Variants in SUGCT observed in about 807,000 individuals in gnomAD.
The protein encoded by SUGCT is succinyl-CoA:glutarate-CoA transferase.
A neutral mutation model predicts 55.0 loss-of-function variants in SUGCT; 41 were observed. The ratio of observed to expected loss-of-function variants is 0.74; its 90% CI spans 0.58 to 0.97. SUGCT has a LOEUF of 0.97. Among genes scored for constraint, SUGCT ranks in the 50% least tolerant of loss-of-function variants. The pLI is 0.00. For missense variants in SUGCT, 568 were observed against 547.8 expected, an observed-to-expected ratio of 1.04 and a Z score of -0.37; for synonymous variants, 187 against 200.4, an observed-to-expected ratio of 0.93 and a Z score of 0.56.
At chr7:40,510,600 G>A (rs1357958003) in intron 12 of SUGCT, among the ~76,000 whole-genome samples, 2 of 152,082 alleles carry the variant, frequency 1.3e-5, no homozygotes, top group African/African-American at 4.8e-5. Flanking sequence ...TATTAAGTAA[G>A]GAAGTTTTCA....
chr7:41,010,879 G>A, the SUGCT span, among the ~76,000 whole-genome samples: 3 of 152,182 alleles, frequency 2.0e-5, no homozygotes, highest in African/African-American at 7.2e-5. Context: ...GTTTGACCTG[G>A]AACGAAATTA....
intron 1 of SUGCT, among the ~76,000 whole-genome samples, chr7:40,157,898 T>G (rs1342224375): frequency 3.9e-5 from 6 of 152,204 alleles, no homozygotes; most frequent in Non-Finnish European, 8.8e-5. Context: ...AGTCAAATTC[T>G]ACTGCTTCAT....
chr7:40,644,515 A>G (rs894108710), intron 12 of SUGCT, among the ~76,000 whole-genome samples: 2 of 152,144 alleles, frequency 1.3e-5, no homozygotes, highest in African/African-American at 4.8e-5. Flanking sequence ...AAAGGTGTCA[A>G]TTTTTTAAAC....
intron 12 of SUGCT, among the ~76,000 whole-genome samples, chr7:40,681,888 G>A (rs370650869): frequency 6.6e-6 from 1 of 152,092 alleles, no homozygotes; most frequent in Non-Finnish European, 1.5e-5. Flanking sequence ...TTGGAATAGA[G>A]AACAGTGGTC....
At chr7:40,551,958 C>T (rs868084820) in intron 12 of SUGCT, among the ~76,000 whole-genome samples, 7 of 152,174 alleles carry the variant, frequency 4.6e-5, no homozygotes, top group Admixed American at 3.3e-4. Context: ...CTATCAGACT[C>T]ATCAAACTTG....
At chr7:40,164,838 G>T (rs1015831388) in intron 1 of SUGCT, among the ~76,000 whole-genome samples, 2 of 152,066 alleles carry the variant, frequency 1.3e-5, no homozygotes, top group African/African-American at 2.4e-5. Flanking sequence ...CCTTTTCCAC[G>T]AACCTCATTT....
At chr7:41,009,281 T>C in the SUGCT span, among the ~76,000 whole-genome samples, 1 of 151,790 alleles carries the variant, frequency 6.6e-6, no homozygotes, top group South Asian at 2.1e-4. Context: ...TTTCACAGTC[T>C]ATGAATCTAT....
At chr7:40,493,406 C>T (rs1335868396) in intron 11 of SUGCT, among the ~76,000 whole-genome samples, 6 of 152,134 alleles carry the variant, frequency 3.9e-5, no homozygotes, top group African/African-American at 1.4e-4. Flanking sequence ...TAGTTTCTGT[C>T]TGGTCTTGTA....
rs17171720 is a variant in SUGCT at position 40,491,609 on chromosome 7, T to A, written c.987-4675T>A. On this transcript the variant is annotated intron_variant, in intron 11 of 13. Transcript: ENST00000335693. ...GATTTGGATGTCATCTGCATAGAGATGACAAGATGGCTTAGGTGAGTAAAA... is the reference window on the plus strand; with the variant it reads ...GATTTGGATGTCATCTGCATAGAGAAGACAAGATGGCTTAGGTGAGTAAAA... 8.2e-3 allele frequency among the ~76,000 whole-genome samples: 1,251 copies of A among 152,058 alleles called. 48 individuals are homozygous for A. Among genetic ancestry groups the A allele is most frequent in the Admixed American group, 0.059 (903 of 15,278 alleles).
At chr7:40,818,146 A>G (rs1584483930) in intron 13 of SUGCT, among the ~76,000 whole-genome samples, 1 of 152,130 alleles carries the variant, frequency 6.6e-6, no homozygotes, top group South Asian at 2.1e-4. Flanking sequence ...ATATAACGCA[A>G]CTCTTGCAAT....
At chr7:40,644,639 A>G (rs1016931019) in intron 12 of SUGCT, among the ~76,000 whole-genome samples, 8 of 152,124 alleles carry the variant, frequency 5.3e-5, no homozygotes, top group Non-Finnish European at 8.8e-5. Context: ...AAGCCCTTTC[A>G]TCTCTGGATT....
intron 13 of SUGCT, among the ~76,000 whole-genome samples, chr7:40,807,786 A>T (rs1331999036): frequency 6.6e-6 from 1 of 152,228 alleles, no homozygotes; most frequent in Non-Finnish European, 1.5e-5. Flanking sequence ...GTCCCACAAT[A>T]GGTCATCTGC....
chr7:40,697,166 C>G (rs1171935436), intron 12 of SUGCT, among the ~76,000 whole-genome samples: 1 of 152,108 alleles, frequency 6.6e-6, no homozygotes, highest in East Asian at 1.9e-4. Context: ...AACTCAACTC[C>G]CTGTTTAAAT....
chr7:40,329,536 C>G (rs759010235), intron 9 of SUGCT, among the ~76,000 whole-genome samples: 2 of 152,206 alleles, frequency 1.3e-5, no homozygotes, highest in East Asian at 3.9e-4. Flanking sequence ...TCAAGTGCCC[C>G]CTCCTCCTTC....
chr7:40,149,515 G>A (rs768645370), intron 1 of SUGCT, among the ~76,000 whole-genome samples: 22 of 152,160 alleles, frequency 1.4e-4, no homozygotes, highest in Non-Finnish European at 2.2e-4. Context: ...AGGGCTGGGC[G>A]CGGTGGCTCA....
intron 12 of SUGCT, among the ~76,000 whole-genome samples, chr7:40,715,401 C>T (rs754384659): frequency 2.0e-5 from 3 of 152,134 alleles, no homozygotes; most frequent in Non-Finnish European, 4.4e-5. Flanking sequence ...ATCCCATCTC[C>T]CTCCCTTCAG....
chr7:40,577,393 G>T (rs1395219845), intron 12 of SUGCT, among the ~76,000 whole-genome samples: 1 of 151,722 alleles, frequency 6.6e-6, no homozygotes, highest in Non-Finnish European at 1.5e-5. Flanking sequence ...CATTTCTCTT[G>T]CAAATCTCGT....
At chr7:40,948,221 A>G in the SUGCT span, among the ~76,000 whole-genome samples, 1 of 152,204 alleles carries the variant, frequency 6.6e-6, no homozygotes, top group Non-Finnish European at 1.5e-5. Flanking sequence ...TAGCCATGCC[A>G]TTCCTTCTCT....
At chr7:40,598,449 G>A (rs1798132087) in intron 12 of SUGCT, among the ~76,000 whole-genome samples, 1 of 152,228 alleles carries the variant, frequency 6.6e-6, no homozygotes, top group Admixed American at 6.5e-5. Context: ...TATACAGGCA[G>A]ATGCTCTTTA....
Sources: gnomAD v4.1 joint callset for allele counts (sites outside exome capture counted in the v4.1 genomes callset) on GRCh38, gnomAD v4.1.1 for gene constraint, MANE v1.5 for transcripts, NCBI Gene and HGNC (gene_info 2026-07-23, HGNC 2026-07-21) for gene names.